ACO2: variants seen among roughly 807,000 people sequenced by gnomAD.
The protein encoded by ACO2 is aconitase 2, also known as aconitate hydratase, mitochondrial.
A neutral mutation model predicts 84.5 loss-of-function variants in ACO2; 31 were observed. The observed-to-expected ratio is 0.37, with a 90% confidence interval of 0.28 to 0.50. The LOEUF (loss-of-function observed/expected upper bound fraction) is 0.50. Among genes scored for constraint, ACO2 ranks in the 20% least tolerant of loss-of-function variants. ACO2 has a pLI of 0.97. For synonymous variants in ACO2, 414 were observed against 412.7 expected (o/e 1.00, Z -0.04); for missense variants, 685 against 1,029.3 (o/e 0.67, Z 4.58).
chr22:41,507,514 G>A (rs1045950872), intron 2 of ACO2, among the ~76,000 whole-genome samples: 4 of 152,192 alleles, frequency 2.6e-5, no homozygotes, highest in African/African-American at 9.7e-5. Context: ...AGGATCCTTT[G>A]AAAAGAACCA....
chr22:41,493,027 T>G (rs2066284261), intron 1 of ACO2, among the ~76,000 whole-genome samples: 2 of 152,094 alleles, frequency 1.3e-5, no homozygotes, highest in Non-Finnish European at 2.9e-5. Context: ...CTGCATCTGG[T>G]GAGGGCCATC....
intron 1 of ACO2, among the ~76,000 whole-genome samples, chr22:41,496,654 C>T (rs2066315989): frequency 6.6e-6 from 1 of 152,186 alleles, no homozygotes; most frequent in Non-Finnish European, 1.5e-5. Context: ...TCTTCCTATG[C>T]ACACGCACTG....
intron 1 of ACO2, among the ~76,000 whole-genome samples, chr22:41,480,637 A>G (rs540139217): frequency 6.6e-6 from 1 of 152,320 alleles, no homozygotes; most frequent in African/African-American, 2.4e-5. Context: ...GCCTGCCAGA[A>G]GCCCAGCTAC....
rs562169303 is a variant in ACO2, at chr22:41,528,967, C to T, written c.*354C>T. 5.7e-6 allele frequency: 3 copies of T among 522,228 alleles called. No homozygotes were observed. Among genetic ancestry groups the T allele is most frequent in the East Asian group, 3.3e-5 (1 of 30,684 alleles). The allele number at this position is 522,228 out of a possible 1,614,324, so 32.3% of individuals were successfully genotyped here. A position where few individuals can be genotyped will look rare whatever the true frequency, so the allele number is the denominator to read the frequency against. ...TGTTCTTGCAAGGAAAACAAGAATC[C>T]AAAACCAGTGACTGTTCTGTGAGTG... is the stretch of plus-strand genomic sequence containing the variant. On this transcript the variant is annotated 3_prime_UTR_variant, in exon 18 of 18. Coordinates refer to ENST00000216254, the MANE Select transcript of ACO2 (RefSeq NM_001098.3).
rs942285984 is a variant in ACO2, at chr22:41,528,683, C to A, written c.*70C>A. 128 of 1,568,554 alleles carry A rather than the reference C, an allele frequency of 8.2e-5. No homozygotes were observed. The highest frequency in any genetic ancestry group is 1.1e-4 in the Non-Finnish European group (127 of 1,159,670). On this transcript the variant is annotated 3_prime_UTR_variant, in exon 18 of 18. Transcript: ENST00000216254. ...ACGTGTGCCATCAGTGGATCCGATC[C>A]GTCCAGCCATGGCTTCCTATTCCAA...
rs558345231 is a variant in ACO2, at chr22:41,474,761, G to A, written c.36+5579G>A. 3.3e-5 allele frequency among the ~76,000 whole-genome samples: 5 copies of A among 151,246 alleles called. No individual in the cohort carries two copies. In the East Asian group the frequency reaches 9.7e-4, roughly 29 times the overall value. ...CTACAGGCGCCCGCTACCATGCCTG[G>A]CTAATTTTTTTTTGTATTTTTAGTA... On this transcript the variant is annotated intron_variant, in intron 1 of 17. Transcript: ENST00000216254.
chr22:41,523,104 T>A (rs1192952835), intron 10 of ACO2, 101 bp from the exon 11 acceptor site: 2 of 1,542,996 alleles, frequency 1.3e-6, no homozygotes, highest in Non-Finnish European at 8.8e-7. Flanking sequence ...GTGGCTGCCC[T>A]GGGGTTCCAG....
At chr22:41,484,971 T>G (rs1275654595) in intron 1 of ACO2, among the ~76,000 whole-genome samples, 1 of 147,506 alleles carries the variant, frequency 6.8e-6, no homozygotes, top group Non-Finnish European at 1.5e-5. Flanking sequence ...ACTTCCCGGG[T>G]TCAAGTGATT....
At chr22:41,476,403 G>A (rs1357008982) in intron 1 of ACO2, among the ~76,000 whole-genome samples, 1 of 114,844 alleles carries the variant, frequency 8.7e-6, no homozygotes, top group Non-Finnish European at 1.7e-5. Context: ...ATGAAACTCT[G>A]TCTTAAAAAA....
At chr22:41,506,100 T>G (rs549273387) in intron 2 of ACO2, among the ~76,000 whole-genome samples, 11 of 152,000 alleles carry the variant, frequency 7.2e-5, no homozygotes, top group Admixed American at 1.3e-4. Flanking sequence ...TTGTTTGTTT[T>G]TATTAGAGAC....
At chr22:41,498,556 C>T (rs189514341) in intron 1 of ACO2, among the ~76,000 whole-genome samples, 1 of 152,098 alleles carries the variant, frequency 6.6e-6, no homozygotes, top group African/African-American at 2.4e-5. Flanking sequence ...CTGGAGCATT[C>T]GCTTGCAAGA....
chr22:41,488,795 T>A (rs2066251799), intron 1 of ACO2, among the ~76,000 whole-genome samples: 1 of 152,166 alleles, frequency 6.6e-6, no homozygotes, highest in Non-Finnish European at 1.5e-5. Context: ...GGGGGTTTAC[T>A]GGAGAGCCTG....
In ACO2 at chr22:41,507,798, C is replaced by A. The variant is rs773229850; in HGVS notation, c.181C>A (p.Arg61=). 6.2e-7 allele frequency: 1 copy of A among 1,613,476 alleles called. No homozygotes were observed. Among genetic ancestry groups the A allele is most frequent in the Non-Finnish European group, 8.5e-7 (1 of 1,179,586 alleles). Residue 61 remains arginine (R), a synonymous_variant, in exon 3 of 18, where the codon CGG becomes AGG. Coordinates refer to ENST00000216254, the MANE Select transcript of ACO2 (RefSeq NM_001098.3). ...CTGCTCTTCTCCCCACAGACTGAAC[C>A]GGCCGCTGACACTCTCGGAGAAGAT... is the stretch of plus-strand genomic sequence containing the variant. ...NINIVRKRLN[R]PLTLSEKIVY...
At chr22:41,471,837 G>A (rs2037949652) in intron 1 of ACO2, among the ~76,000 whole-genome samples, 1 of 152,184 alleles carries the variant, frequency 6.6e-6, no homozygotes, top group South Asian at 2.1e-4. Context: ...AGCAAACATA[G>A]TGTTATGGTT....
At chr22:41,477,608 C>T (rs2038034276) in intron 1 of ACO2, among the ~76,000 whole-genome samples, 1 of 152,130 alleles carries the variant, frequency 6.6e-6, no homozygotes, top group Admixed American at 6.5e-5. Context: ...GGCACAATGC[C>T]TTCTGCCTCA....
intron 1 of ACO2, among the ~76,000 whole-genome samples, chr22:41,482,319 G>A (rs935834553): frequency 6.6e-6 from 1 of 152,216 alleles, no homozygotes; most frequent in African/African-American, 2.4e-5. Context: ...AGACACTGTC[G>A]GTAGCACAGG....
chr22:41,488,057 G>T (rs956193177), intron 1 of ACO2, among the ~76,000 whole-genome samples: 2 of 152,054 alleles, frequency 1.3e-5, no homozygotes, highest in Non-Finnish European at 2.9e-5. Context: ...CTACTTTTGC[G>T]CTTGATTGCT....
intron 1 of ACO2, among the ~76,000 whole-genome samples, chr22:41,486,239 A>G (rs558449253): frequency 9.9e-5 from 15 of 152,204 alleles, no homozygotes; most frequent in African/African-American, 1.9e-4. Context: ...TGCTTGGCAC[A>G]TAATAGAGTG....
chr22:41,511,138 G>A (rs1310705150), intron 3 of ACO2, among the ~76,000 whole-genome samples: 2 of 152,006 alleles, frequency 1.3e-5, no homozygotes, highest in East Asian at 3.9e-4. Flanking sequence ...GCAAGTAGCT[G>A]GGACCGCAGG....
Sources: gnomAD v4.1 joint callset for allele counts (sites outside exome capture counted in the v4.1 genomes callset) on GRCh38, gnomAD v4.1.1 for gene constraint, MANE v1.5 for transcripts, NCBI Gene and HGNC (gene_info 2026-07-23, HGNC 2026-07-21) for gene names.